KLHL6: variants seen among roughly 807,000 people sequenced by gnomAD.
The protein encoded by KLHL6 is kelch-like protein 6.
KLHL6 carries 41 observed loss-of-function variants against 58.6 expected under a neutral mutation model. The ratio of observed to expected loss-of-function variants is 0.70; its 90% CI spans 0.55 to 0.91. The LOEUF (loss-of-function observed/expected upper bound fraction) is 0.91, where lower values mean the gene tolerates loss of function less well. Among genes scored for constraint, KLHL6 ranks in the 40% least tolerant of loss-of-function variants. The pLI is 0.00. For missense variants in KLHL6, 714 were observed against 805.6 expected (o/e 0.89, Z 1.38); for synonymous variants, 338 against 322.7 (o/e 1.05, Z -0.51).
chr3:183,512,785 C>T (rs908717053), intron 2 of KLHL6, among the ~76,000 whole-genome samples: 9 of 151,720 alleles, frequency 5.9e-5, no homozygotes, highest in Middle Eastern at 3.4e-3. Context: ...GCCACCAGGC[C>T]GGGACTATGA....
At position 183,492,338 on chromosome 3, in the gene KLHL6, A is replaced by G; in HGVS notation, c.1565-110T>C. The G allele has an allele frequency of 7.5e-7, 1 of 1,333,794 alleles. No individual in the cohort carries two copies. The highest frequency in any genetic ancestry group is 1.0e-6 in the Non-Finnish European group (1 of 977,586). The allele number at this position is 1,333,794 out of a possible 1,614,324, so 82.6% of individuals were successfully genotyped here. A position where few individuals can be genotyped will look rare whatever the true frequency, so the allele number is the denominator to read the frequency against. On this transcript the variant is annotated intron_variant, in intron 6 of 6. Transcript: ENST00000341319. This position sits in a 1 kb window ranked among gnomAD's most constrained non-coding sequence, Gnocchi z 5.9. ...AGGCCAAGTCTACCCTCTTGCCAAG[A>G]GAAACAGTCGATTGATGGCTCTCCT...
At position 183,521,873 on chromosome 3, in the gene KLHL6, T is replaced by A. The variant is rs562217051; in HGVS notation, c.459+5972A>T. On this transcript the variant is annotated intron_variant, in intron 2 of 6. Transcript: ENST00000341319. Reference sequence around the variant, plus strand: ...TACACCTGGCTAATTTTTGTATTTTTAGTAGAGACAGGGGTTTCACCATGT... The same window carrying A: ...TACACCTGGCTAATTTTTGTATTTTAAGTAGAGACAGGGGTTTCACCATGT... 6.6e-4 allele frequency: 100 copies of A among 150,978 alleles called. 1 individual carries two copies. The highest frequency in any genetic ancestry group is 2.4e-3 in the African/African-American group (98 of 41,128). 9.4% of individuals were successfully genotyped at this position (150,978 alleles called of 1,614,324 possible).
At chr3:183,536,290 T>C (rs1339434878) in intron 1 of KLHL6, among the ~76,000 whole-genome samples, 4 of 152,248 alleles carry the variant, frequency 2.6e-5, no homozygotes, top group African/African-American at 4.8e-5. Context: ...GAAAAGACAC[T>C]TCTGAATTGT....
Position 183,490,868 on chromosome 3 carries a change from G to T in KLHL6, c.*1059C>A, listed in dbSNP as rs76502867. On this transcript the variant is annotated 3_prime_UTR_variant, in exon 7 of 7. Transcript: ENST00000341319. Reference sequence around the variant, plus strand: ...ATTTCATCTCTTTCAAAGCAAACAGGCCTTCCCAAGCCCATCCCCCAGACC... The same window carrying T: ...ATTTCATCTCTTTCAAAGCAAACAGTCCTTCCCAAGCCCATCCCCCAGACC... The T allele has an allele frequency of 6.6e-6, 1 of 151,820 alleles. No individual in the cohort carries two copies. The highest frequency in any genetic ancestry group is 1.5e-5 in the Non-Finnish European group (1 of 68,028). 9.4% of individuals were successfully genotyped at this position (151,820 alleles called of 1,614,324 possible).
At chr3:183,534,035 C>A (rs975201961) in intron 1 of KLHL6, among the ~76,000 whole-genome samples, 3 of 43,210 alleles carry the variant, frequency 6.9e-5, no homozygotes, top group Non-Finnish European at 1.5e-4. Context: ...CCCTCTTGAC[C>A]AGCAGCACAG....
chr3:183,508,218 T>C lies in KLHL6; in HGVS notation c.750A>G (p.Arg250=). 6.2e-7 allele frequency: 1 copy of C among 1,613,772 alleles called. No individual in the cohort carries two copies. The highest frequency in any genetic ancestry group is 1.1e-5 in the South Asian group (1 of 91,054). ...MSWVRHKPSE[R]LCLLPYVLEN... The stretch of plus-strand genomic sequence containing the variant: ...CGAGGACATAGGGGAGTAAGCAGAG[T>C]CGTTCTGATGGCTTGTGCCGGACCC... The change falls in exon 3 of 7, where the codon CGA becomes CGG. Residue 250 remains arginine, a synonymous_variant. Transcript: ENST00000341319.
At chr3:183,503,624 A>G (rs1332403435) in intron 3 of KLHL6, among the ~76,000 whole-genome samples, 2 of 152,192 alleles carry the variant, frequency 1.3e-5, no homozygotes, top group Admixed American at 1.3e-4. Flanking sequence ...TATTAAAAAT[A>G]CAAACTTAGC....
rs1173279830 is a variant in KLHL6, at chr3:183,488,545, C to G, written c.*3382G>C. 2.6e-5 allele frequency: 4 copies of G among 152,542 alleles called. No individual in the cohort carries two copies. The highest frequency in any genetic ancestry group is 5.9e-5 in the Non-Finnish European group (4 of 68,328). 9.4% of individuals were successfully genotyped at this position (152,542 alleles called of 1,614,324 possible). A position where few individuals can be genotyped will look rare whatever the true frequency, so the allele number is the denominator to read the frequency against. On this transcript the variant is annotated 3_prime_UTR_variant, in exon 7 of 7. Coordinates refer to ENST00000341319, the MANE Select transcript of KLHL6 (RefSeq NM_130446.4). ...CAGGGGTGCTCTGTCCACTCACAGGCCCTGCCTCAGTCTCCAGTCTGCTGT... is the reference window on the plus strand; with the variant it reads ...CAGGGGTGCTCTGTCCACTCACAGGGCCTGCCTCAGTCTCCAGTCTGCTGT...
intron 2 of KLHL6, 150 bp downstream of exon 2, chr3:183,527,695 T>G: frequency 1.5e-6 from 1 of 667,210 alleles, no homozygotes; most frequent in Non-Finnish European, 2.5e-6. Context: ...CAGCTAGGGG[T>G]GTGCGTGTGT....
chr3:183,538,120 T>C (rs1712425387), intron 1 of KLHL6, among the ~76,000 whole-genome samples: 2 of 152,156 alleles, frequency 1.3e-5, no homozygotes, highest in Admixed American at 1.3e-4. Flanking sequence ...AGGGAACTCC[T>C]ATCACACTCC....
chr3:183,527,965 G>T lies in KLHL6; in HGVS notation c.339C>A (p.Ile113=), dbSNP rs145552974. 1.4e-4 allele frequency: 224 copies of T among 1,613,970 alleles called. No individual in the cohort carries two copies. In the Middle Eastern group the frequency reaches 1.6e-3, roughly 12 times the overall value. The change falls in exon 2 of 7, where the codon ATC becomes ATA. Residue 113 remains isoleucine (I), a synonymous_variant. Coordinates refer to ENST00000341319, the MANE Select transcript of KLHL6 (RefSeq NM_130446.4). Reference sequence around the variant, plus strand: ...TCTCAGCATCAACCCCTTTAATAATGATCCTTTTCTCATACTTTTCCTTTA... The same window carrying T: ...TCTCAGCATCAACCCCTTTAATAATTATCCTTTTCTCATACTTTTCCTTTA... ...NDLKEKYEKR[I]IIKGVDAETM...
At chr3:183,551,211 G>C (rs747213961) in intron 1 of KLHL6, among the ~76,000 whole-genome samples, 7 of 152,118 alleles carry the variant, frequency 4.6e-5, no homozygotes, top group Non-Finnish European at 1.0e-4. Context: ...TGGTAAACCA[G>C]GGAAGAGAAA....
At chr3:183,534,470 C>A (rs1560107270) in intron 1 of KLHL6, among the ~76,000 whole-genome samples, 1 of 151,530 alleles carries the variant, frequency 6.6e-6, no homozygotes, top group African/African-American at 2.4e-5. Context: ...GCGGCACGAC[C>A]ACAGCTCATT....
rs191876033 is a variant in KLHL6 at position 183,505,208 on chromosome 3, C to T, written c.909+2851G>A. ...CCTAGGCTCCCCCCATCAATCCACT[C>T]ATCACCCTTCATTTGTTAAATGTCC... On this transcript the variant is annotated intron_variant, in intron 3 of 6. Coordinates refer to ENST00000341319, the MANE Select transcript of KLHL6 (RefSeq NM_130446.4). Among the ~76,000 whole-genome samples, 9 of 152,316 alleles carry T rather than the reference C, an allele frequency of 5.9e-5. No homozygotes were observed. The East Asian group carries it at 1.2e-3, about 20-fold the overall frequency.
At chr3:183,514,026 C>T (rs940048798) in intron 2 of KLHL6, among the ~76,000 whole-genome samples, 1 of 152,164 alleles carries the variant, frequency 6.6e-6, no homozygotes, top group Non-Finnish European at 1.5e-5. Context: ...CAGCTTCATC[C>T]ATGTCCCTGC....
chr3:183,492,796 G>C lies in KLHL6; in HGVS notation c.1351-89C>G, dbSNP rs1261640445. 1 of 1,218,256 alleles carries C rather than the reference G, an allele frequency of 8.2e-7. No individual in the cohort carries two copies. The highest frequency in any genetic ancestry group is 1.2e-6 in the Non-Finnish European group (1 of 850,790). The allele number at this position is 1,218,256 out of a possible 1,614,324, so 75.5% of individuals were successfully genotyped here. ...CCCAGGATACAGGACAGAGCTCCGGGACACAGAACTGGGCATCTTTTGCCT... is the reference window on the plus strand; with the variant it reads ...CCCAGGATACAGGACAGAGCTCCGGCACACAGAACTGGGCATCTTTTGCCT... On this transcript the variant is annotated intron_variant, in intron 5 of 6. Coordinates refer to ENST00000341319, the MANE Select transcript of KLHL6 (RefSeq NM_130446.4). This position sits in a 1 kb window ranked among gnomAD's most constrained non-coding sequence, Gnocchi z 5.9.
chr3:183,533,920 T>C (rs189534009), intron 1 of KLHL6, among the ~76,000 whole-genome samples: 1,546 of 151,756 alleles, frequency 0.01, 15 homozygotes, highest in Non-Finnish European at 0.016. Context: ...CGAAGGTGAA[T>C]TCCGGGGCCT....
In KLHL6 at chr3:183,499,657, C is replaced by T. The variant is rs1717815093; in HGVS notation, c.1080G>A (p.Leu360=). 5 of 1,611,140 alleles carry T rather than the reference C, an allele frequency of 3.1e-6. No individual in the cohort carries two copies. The highest frequency in any genetic ancestry group is 4.2e-6 in the Non-Finnish European group (5 of 1,178,820). ...CCACCCACTTCTTATTCTCACTCTCCAGCTCATGCTCTGTTAGCGGGAGCT... is the reference window on the plus strand; with the variant it reads ...CCACCCACTTCTTATTCTCACTCTCTAGCTCATGCTCTGTTAGCGGGAGCT... ...VAKLPLTEHE[L]ESENKKWVEF... The change falls in exon 4 of 7, where the codon CTG becomes CTA. Residue 360 remains leucine (L), a synonymous_variant. Transcript: ENST00000341319. The surrounding 1 kb of genome is among the most constrained non-coding windows in gnomAD (Gnocchi z 4.6).
In KLHL6 at chr3:183,541,404, C is replaced by T. The variant is rs140002315; in HGVS notation, c.294-13394G>A. 3.1e-3 allele frequency among the ~76,000 whole-genome samples: 474 copies of T among 152,296 alleles called. 2 individuals are homozygous for T. The highest frequency in any genetic ancestry group is 8.7e-3 in the African/African-American group (360 of 41,564). On this transcript the variant is annotated intron_variant, in intron 1 of 6. Transcript: ENST00000341319. Reference sequence around the variant, plus strand: ...GAGGAGCTGCCACAGTTGGGCTACACGCAGGAGTGCACAGGCCAGGCTTGA... The same window carrying T: ...GAGGAGCTGCCACAGTTGGGCTACATGCAGGAGTGCACAGGCCAGGCTTGA...
Sources: allele counts gnomAD v4.1 joint callset (sites outside exome capture counted in the v4.1 genomes callset), GRCh38; gene constraint gnomAD v4.1.1; non-coding constraint Gnocchi (gnomAD v3.1); transcripts MANE v1.5; gene names NCBI Gene and HGNC (gene_info 2026-07-23, HGNC 2026-07-21).